Variants in PCDH15 observed in about 807,000 individuals in gnomAD.
PCDH15 encodes protocadherin-15.
Under a neutral mutation model 178.5 loss-of-function variants are expected in PCDH15, and 129 were observed. That is an observed-to-expected ratio of 0.72 (90% CI 0.63 to 0.84). PCDH15 has a LOEUF of 0.84. PCDH15 is among the 40% of genes least tolerant of loss of function. The pLI, the probability that PCDH15 is intolerant of heterozygous loss-of-function variation, is 0.00. For missense variants in PCDH15, 2,230 were observed against 2,099.9 expected, an observed-to-expected ratio of 1.06 and a Z score of -1.21; for synonymous variants, 800 against 732.0, an observed-to-expected ratio of 1.09 and a Z score of -1.50.
intron 2 of PCDH15, among the ~76,000 whole-genome samples, chr10:54,968,344 G>A (rs932385616): frequency 1.3e-5 from 2 of 152,010 alleles, no homozygotes; most frequent in Admixed American, 6.6e-5. Context: ...TGTTAACATG[G>A]TATATAATTT....
chr10:54,617,755 C>CAAA (rs71010398), intron 2 of PCDH15, among the ~76,000 whole-genome samples: 2,318 of 116,946 alleles, frequency 0.02, 85 homozygotes, highest in African/African-American at 0.073. Context: ...TCTAAAAATA[C>CAAA]AAAAAAAAAA....
chr10:54,152,946 A>C (rs2044686565), intron 14 of PCDH15, among the ~76,000 whole-genome samples, 154 bp downstream of exon 14: 1 of 152,096 alleles, frequency 6.6e-6, no homozygotes, highest in East Asian at 1.9e-4. Context: ...CCAAATCAGA[A>C]TATGCATGCA....
chr10:55,240,355 C>T (rs1384308854), intron 1 of PCDH15, among the ~76,000 whole-genome samples: 1 of 152,090 alleles, frequency 6.6e-6, no homozygotes, highest in African/African-American at 2.4e-5. Flanking sequence ...TTTATCTACT[C>T]AACAATTGTG....
At chr10:53,824,015 A>T (rs909377425) in intron 32 of PCDH15, among the ~76,000 whole-genome samples, 2 of 152,056 alleles carry the variant, frequency 1.3e-5, no homozygotes, top group Non-Finnish European at 2.9e-5. Flanking sequence ...CTTATACATA[A>T]TACCAATCAG....
chr10:54,672,419 G>A (rs1954616), intron 1 of PCDH15, among the ~76,000 whole-genome samples: 132,722 of 152,076 alleles, frequency 0.87, 58,582 homozygotes, highest in Non-Finnish European at 0.93. Context: ...TATGATAAAG[G>A]TAACAAGATA....
chr10:55,169,617 G>T lies in PCDH15; in HGVS notation c.-155-2966C>A, dbSNP rs143605223. Among the ~76,000 whole-genome samples, 20 of 152,074 alleles carry T rather than the reference G, an allele frequency of 1.3e-4. No homozygotes were observed. In the East Asian group the frequency reaches 3.9e-3, roughly 29 times the overall value. On this transcript the variant is annotated intron_variant, in intron 1 of 5. Transcript: ENST00000458638. ...TCTTCATAACCACTATCCACAAAAGGGCAATACTTTGATTTGTGAAGCCAT... is the reference window on the plus strand; with the variant it reads ...TCTTCATAACCACTATCCACAAAAGTGCAATACTTTGATTTGTGAAGCCAT...
intron 15 of PCDH15, among the ~76,000 whole-genome samples, chr10:54,122,138 A>G (rs559802723): frequency 2.0e-5 from 3 of 152,006 alleles, no homozygotes; most frequent in Admixed American, 2.0e-4. Context: ...ATTCAACAAC[A>G]CATCAAATAT....
intron 6 of PCDH15, among the ~76,000 whole-genome samples, chr10:54,332,937 GTATT>G (rs1035425220): frequency 6.6e-6 from 1 of 151,730 alleles, no homozygotes. Context: ...TTATATGTAT[GTATT>G]TATTTATTTA....
At chr10:54,694,245 G>A in intron 1 of PCDH15, among the ~76,000 whole-genome samples, 1 of 152,092 alleles carries the variant, frequency 6.6e-6, no homozygotes, top group Non-Finnish European at 1.5e-5. Context: ...CTGTTTAGAA[G>A]AATGTATAGA....
chr10:53,949,878 C>T (rs2086877151), intron 23 of PCDH15, among the ~76,000 whole-genome samples: 1 of 152,034 alleles, frequency 6.6e-6, no homozygotes, highest in Non-Finnish European at 1.5e-5. Context: ...AAATGAATGC[C>T]TTGATTATAA....
intron 13 of PCDH15, among the ~76,000 whole-genome samples, chr10:54,181,097 A>C (rs1434210004): frequency 6.6e-6 from 1 of 152,144 alleles, no homozygotes; most frequent in African/African-American, 2.4e-5. Context: ...TTTCATTTCC[A>C]ATTATGTCAT....
intron 2 of PCDH15, among the ~76,000 whole-genome samples, chr10:55,621,122 T>C (rs1180091809): frequency 1.3e-5 from 2 of 152,052 alleles, no homozygotes; most frequent in African/African-American, 4.8e-5. Flanking sequence ...ATTTTTACTC[T>C]CCTAAGCATA....
chr10:55,350,297 A>T (rs1236012600), intron 2 of PCDH15, among the ~76,000 whole-genome samples: 1 of 145,432 alleles, frequency 6.9e-6, no homozygotes, highest in African/African-American at 2.5e-5. Flanking sequence ...ATACATACAC[A>T]CACAAACATA....
At chr10:54,781,712 C>T (rs1950380175) in intron 1 of PCDH15, among the ~76,000 whole-genome samples, 1 of 152,092 alleles carries the variant, frequency 6.6e-6, no homozygotes, top group African/African-American at 2.4e-5. Context: ...CTAAATCTAT[C>T]TTTTTTCTTT....
chr10:54,510,336 T>C (rs2081540334), intron 3 of PCDH15, among the ~76,000 whole-genome samples: 1 of 152,164 alleles, frequency 6.6e-6, no homozygotes, highest in Non-Finnish European at 1.5e-5. Context: ...AAGTTAATAG[T>C]TTGGCTGACA....
At chr10:55,450,431 T>C (rs186330394) in intron 2 of PCDH15, among the ~76,000 whole-genome samples, 226 of 152,306 alleles carry the variant, frequency 1.5e-3, no homozygotes, top group African/African-American at 5.2e-3. Flanking sequence ...AGGCATCTGC[T>C]GAGTTTGACA....
At chr10:53,837,625 T>C (rs1038052936) in intron 29 of PCDH15, among the ~76,000 whole-genome samples, 3 of 152,106 alleles carry the variant, frequency 2.0e-5, no homozygotes, top group Non-Finnish European at 2.9e-5. Flanking sequence ...AACACTTCCA[T>C]TGACCTGGAC....
intron 1 of PCDH15, among the ~76,000 whole-genome samples, chr10:55,299,091 T>G (rs1340600322): frequency 6.6e-6 from 1 of 152,220 alleles, no homozygotes; most frequent in Admixed American, 6.5e-5. Context: ...ATCTATAATC[T>G]GACTTTAATA....
intron 2 of PCDH15, among the ~76,000 whole-genome samples, chr10:55,351,972 T>C (rs1395517253): frequency 1.3e-5 from 2 of 152,142 alleles, no homozygotes; most frequent in Middle Eastern, 3.2e-3. Context: ...GTGCCACTTG[T>C]GGTGCTAAAT....
Sources: gnomAD v4.1 joint callset for allele counts (sites outside exome capture counted in the v4.1 genomes callset) on GRCh38, gnomAD v4.1.1 for gene constraint, MANE v1.5 for transcripts, NCBI Gene and HGNC (gene_info 2026-07-23, HGNC 2026-07-21) for gene names.